The following FOXO1 variants were observed in gnomAD, a reference collection of about 807,000 sequenced individuals.
FOXO1 encodes forkhead box O1.
FOXO1 carries 6 observed loss-of-function variants against 44.1 expected under a neutral mutation model. That is an observed-to-expected ratio of 0.14 (90% CI 0.07 to 0.27). The LOEUF is 0.27. Ranked by LOEUF, FOXO1 falls within the 10% of genes least tolerant of loss-of-function variation. FOXO1 has a pLI of 1.00. For missense variants in FOXO1, 737 were observed against 888.8 expected (o/e 0.83, Z 2.17); for synonymous variants, 380 against 362.7 (o/e 1.05, Z -0.54).
chr13:40,628,715 G>C (rs1876867795), intron 1 of FOXO1, among the ~76,000 whole-genome samples: 1 of 152,134 alleles, frequency 6.6e-6, no homozygotes, highest in Non-Finnish European at 1.5e-5. Flanking sequence ...CCTGGTGGGA[G>C]GTAACAATGG....
chr13:40,655,630 T>C (rs1295333613), intron 1 of FOXO1, among the ~76,000 whole-genome samples: 2 of 145,380 alleles, frequency 1.4e-5, no homozygotes, highest in African/African-American at 5.1e-5. Context: ...AATAGTTTTC[T>C]ACACTTCTTT....
chr13:40,640,798 T>TTG (rs1491330824), intron 1 of FOXO1, among the ~76,000 whole-genome samples: 6 of 60,840 alleles, frequency 9.9e-5, no homozygotes, highest in African/African-American at 5.4e-4. Flanking sequence ...GTTGTTGTTG[T>TTG]TTGAGACAGA....
intron 1 of FOXO1, among the ~76,000 whole-genome samples, chr13:40,664,863 T>A (rs1878170675): frequency 6.6e-6 from 1 of 151,126 alleles, no homozygotes; most frequent in African/African-American, 2.4e-5. Context: ...AGGGTCACAC[T>A]TGAACTTTAG....
chr13:40,659,794 A>G (rs2297627), intron 1 of FOXO1, among the ~76,000 whole-genome samples: 62,869 of 152,012 alleles, frequency 0.41, 14,245 homozygotes, highest in East Asian at 0.73. Flanking sequence ...AGAAGACGGA[A>G]TAGAGTAAAC....
At chr13:40,578,106 C>A (rs1395972501) in intron 1 of FOXO1, among the ~76,000 whole-genome samples, 1 of 152,050 alleles carries the variant, frequency 6.6e-6, no homozygotes, top group African/African-American at 2.4e-5. Context: ...AAATTGCACG[C>A]AAAGTTGAAC....
At chr13:40,661,503 C>T (rs970792591) in intron 1 of FOXO1, among the ~76,000 whole-genome samples, 1 of 152,102 alleles carries the variant, frequency 6.6e-6, no homozygotes, top group African/African-American at 2.4e-5. Context: ...CACCATGTTG[C>T]CCAGGGTGGT....
At chr13:40,584,469 C>CAAAAAAAAAAAAAAAAAAAAA (rs55733141) in intron 1 of FOXO1, among the ~76,000 whole-genome samples, 6 of 63,128 alleles carry the variant, frequency 9.5e-5, no homozygotes, top group Non-Finnish European at 1.1e-4. Flanking sequence ...ACAAAAAATG[C>CAAAAAAAAAAAAAAAAAAAAA]AAAAAAAAAA....
intron 1 of FOXO1, among the ~76,000 whole-genome samples, chr13:40,663,959 G>A (rs1242780819): frequency 1.3e-5 from 2 of 152,196 alleles, no homozygotes; most frequent in Non-Finnish European, 2.9e-5. Flanking sequence ...TATGAGAGGC[G>A]AAGAAAGGTA....
chr13:40,665,475 C>T (rs536915535), intron 1 of FOXO1, 108 bp downstream of exon 1: 66 of 1,003,212 alleles, frequency 6.6e-5, no homozygotes, highest in East Asian at 6.2e-4. Flanking sequence ...CTCCTGGGAA[C>T]GCGCTGCCCT....
chr13:40,621,221 C>A, intron 1 of FOXO1: 1 of 699,700 alleles, frequency 1.4e-6, no homozygotes, highest in Non-Finnish European at 2.4e-6. Flanking sequence ...TAACTGGAAA[C>A]AAGCTCAGGC....
intron 1 of FOXO1, among the ~76,000 whole-genome samples, chr13:40,563,369 AG>A: frequency 6.6e-6 from 1 of 152,348 alleles, no homozygotes; most frequent in Non-Finnish European, 1.5e-5. Context: ...AGTCAGGGTA[AG>A]GCCCAGCAGT....
chr13:40,572,742 AT>A (rs1313533587), intron 1 of FOXO1, among the ~76,000 whole-genome samples: 4 of 152,206 alleles, frequency 2.6e-5, no homozygotes, highest in African/African-American at 9.7e-5. Context: ...CATCACAGAG[AT>A]TGAGCCCAAG....
intron 1 of FOXO1, among the ~76,000 whole-genome samples, chr13:40,582,762 T>G (rs1875006285): frequency 6.6e-6 from 1 of 152,200 alleles, no homozygotes; most frequent in African/African-American, 2.4e-5. Context: ...TCACCACATC[T>G]GCATCTACTT....
At chr13:40,637,334 C>T (rs1452677608) in intron 1 of FOXO1, among the ~76,000 whole-genome samples, 5 of 149,512 alleles carry the variant, frequency 3.3e-5, no homozygotes, top group African/African-American at 4.9e-5. Flanking sequence ...GTCCCAGCTA[C>T]TCAGGAGGCT....
intron 1 of FOXO1, among the ~76,000 whole-genome samples, chr13:40,600,773 G>A (rs1875788845): frequency 6.6e-6 from 1 of 152,100 alleles, no homozygotes; most frequent in Non-Finnish European, 1.5e-5. Flanking sequence ...ACTCTAACTC[G>A]ATTTGCATAT....
At position 40,556,306 on chromosome 13, in the gene FOXO1, T is replaced by TG. The variant is rs1873747761; in HGVS notation, c.*2742dup. The TG allele has an allele frequency of 6.6e-6, 1 of 152,660 alleles. No individual in the cohort carries two copies. Among genetic ancestry groups the TG allele is most frequent in the Non-Finnish European group, 1.5e-5 (1 of 68,052 alleles). The allele number at this position is 152,660 out of a possible 1,614,324, so 9.5% of individuals were successfully genotyped here. ...GGGATACATGTGCTCATTTAGACTT[T>TG]GTCAGTTTGTCAAAGCAGAACTTTC... On this transcript the variant is annotated 3_prime_UTR_variant, in exon 3 of 3. Transcript: ENST00000379561.
chr13:40,631,946 T>C (rs1206479864), intron 1 of FOXO1, among the ~76,000 whole-genome samples: 1 of 152,050 alleles, frequency 6.6e-6, no homozygotes, highest in Non-Finnish European at 1.5e-5. Context: ...TACCACAAAT[T>C]TTAAAAAAAT....
intron 1 of FOXO1, chr13:40,620,333 C>A (rs1192540117): frequency 2.5e-6 from 2 of 803,768 alleles, no homozygotes; most frequent in Non-Finnish European, 4.3e-6. Context: ...CTATTCAAAG[C>A]AATAGTGGGG....
chr13:40,651,886 T>A (rs1459692811), intron 1 of FOXO1, among the ~76,000 whole-genome samples: 4 of 152,030 alleles, frequency 2.6e-5, no homozygotes, highest in African/African-American at 9.7e-5. Flanking sequence ...AATGGGCCAC[T>A]GAAGAGAAAA....
Sources: gnomAD v4.1 joint callset for allele counts (sites outside exome capture counted in the v4.1 genomes callset) on GRCh38, gnomAD v4.1.1 for gene constraint, MANE v1.5 for transcripts, NCBI Gene and HGNC (gene_info 2026-07-23, HGNC 2026-07-21) for gene names.